The following CSMD1 variants were observed in gnomAD, a reference collection of about 807,000 sequenced individuals.
CSMD1 encodes the protein CUB and Sushi multiple domains 1, also known as CUB and sushi domain-containing protein 1.
A neutral mutation model predicts 417.5 loss-of-function variants in CSMD1; 213 were observed. The observed-to-expected ratio is 0.51, with a 90% CI of 0.46 to 0.57. The LOEUF is 0.57. Among genes scored for constraint, CSMD1 ranks in the 20% least tolerant of loss-of-function variants. CSMD1 has a pLI of 0.00. For synonymous variants in CSMD1, 2,862 were observed against 1,736.8 expected, an observed-to-expected ratio of 1.65 and a Z score of -16.11; for missense variants, 6,923 against 4,529.7, an observed-to-expected ratio of 1.53 and a Z score of -15.17.
chr8:3,981,514 A>C (rs915680196), intron 5 of CSMD1, among the ~76,000 whole-genome samples: 4 of 150,922 alleles, frequency 2.7e-5, no homozygotes, highest in African/African-American at 9.7e-5. Context: ...AAAAAAAAAA[A>C]AAAAAAAAAA....
chr8:3,113,381 G>C (rs961935154), intron 42 of CSMD1: 1 of 152,270 alleles, frequency 6.6e-6, no homozygotes, highest in African/African-American at 2.4e-5. Flanking sequence ...TGTTCACGTG[G>C]GAGAGAGCGT....
chr8:4,188,281 C>T (rs1238871466), intron 3 of CSMD1, among the ~76,000 whole-genome samples: 2 of 152,166 alleles, frequency 1.3e-5, no homozygotes, highest in African/African-American at 2.4e-5. Flanking sequence ...CCCTAGACGT[C>T]GGTCAATGTC....
At chr8:4,282,927 T>G in intron 3 of CSMD1, among the ~76,000 whole-genome samples, 1 of 152,186 alleles carries the variant, frequency 6.6e-6, no homozygotes, top group East Asian at 1.9e-4. Flanking sequence ...GTATAAACAT[T>G]TTAATGTCAA....
At chr8:3,755,036 A>G (rs1357674857) in intron 5 of CSMD1, among the ~76,000 whole-genome samples, 1 of 152,208 alleles carries the variant, frequency 6.6e-6, no homozygotes, top group Non-Finnish European at 1.5e-5. Flanking sequence ...TCACTTTACA[A>G]CGTGCAGTTT....
chr8:4,145,895 A>T (rs1365137827), intron 3 of CSMD1, among the ~76,000 whole-genome samples: 1 of 150,946 alleles, frequency 6.6e-6, no homozygotes, highest in African/African-American at 2.5e-5. Context: ...GTCTTGCTCA[A>T]TGCTCATCCC....
At position 3,574,968 on chromosome 8, in the gene CSMD1, T is replaced by C. The variant is rs759281667; in HGVS notation, c.1321A>G (p.Ile441Val). 2 of 1,612,408 alleles carry C rather than the reference T, an allele frequency of 1.2e-6. No individual in the cohort carries two copies. Among genetic ancestry groups the C allele is most frequent in the African/African-American group, 1.3e-5 (1 of 74,894 alleles). The change falls in exon 10 of 70, where the codon ATC becomes GTC. Residue 441 changes from isoleucine to valine, a missense_variant. Transcript: ENST00000635120. ...ACCTTGTCCGGGTCGGTGGTGGTGA[T>C]GACCCACACACAGTGTGCATTATCT... The part of the protein sequence containing the change: ...YEDNAHCVWV[I>V]TTTDPDKVIK...
intron 2 of CSMD1, among the ~76,000 whole-genome samples, chr8:4,513,182 T>G (rs1300526181): frequency 6.6e-6 from 1 of 152,176 alleles, no homozygotes. Context: ...GTAGGTTCAT[T>G]GATTGTAATA....
At chr8:4,141,323 T>C (rs1019490731) in intron 3 of CSMD1, among the ~76,000 whole-genome samples, 1 of 151,134 alleles carries the variant, frequency 6.6e-6, no homozygotes, top group Non-Finnish European at 1.5e-5. Context: ...TAAGGGGAAA[T>C]GAAGCTACTA....
At chr8:4,077,297 GTATATATATA>G (rs200304943) in intron 3 of CSMD1, among the ~76,000 whole-genome samples, 62 of 121,204 alleles carry the variant, frequency 5.1e-4, no homozygotes, top group Admixed American at 1.9e-3. Context: ...ATATATATGT[GTATATATATA>G]TATATATATA....
At chr8:3,962,190 C>A (rs762158256) in intron 5 of CSMD1, among the ~76,000 whole-genome samples, 1 of 151,128 alleles carries the variant, frequency 6.6e-6, no homozygotes, top group South Asian at 2.1e-4. Context: ...TTTGAATATA[C>A]CACATTCCAG....
chr8:3,201,760 G>C (rs749657169), intron 31 of CSMD1, 35 bp from the exon 32 acceptor site: 8 of 1,311,980 alleles, frequency 6.1e-6, no homozygotes, highest in Non-Finnish European at 8.6e-6. Context: ...GGCACAAGAT[G>C]CTCTAAGAAA....
intron 3 of CSMD1, among the ~76,000 whole-genome samples, chr8:4,163,512 G>C (rs921013290): frequency 2.0e-5 from 3 of 152,068 alleles, no homozygotes; most frequent in Admixed American, 6.6e-5. Flanking sequence ...TACAGACATT[G>C]TTTTGTGAAA....
intron 49 of CSMD1, among the ~76,000 whole-genome samples, chr8:3,054,083 T>C (rs1812053503): frequency 6.6e-6 from 1 of 152,228 alleles, no homozygotes; most frequent in Admixed American, 6.5e-5. Flanking sequence ...GAGCAAATCT[T>C]ATGACTCCCA....
At chr8:4,079,063 T>G (rs186457785) in intron 3 of CSMD1, among the ~76,000 whole-genome samples, 4 of 151,784 alleles carry the variant, frequency 2.6e-5, no homozygotes, top group Non-Finnish European at 4.4e-5. Flanking sequence ...TGGTCCCGAA[T>G]GGAACTTATA....
chr8:4,356,125 G>A (rs374112386), intron 3 of CSMD1, among the ~76,000 whole-genome samples: 13 of 152,052 alleles, frequency 8.5e-5, no homozygotes, highest in East Asian at 7.7e-4. Flanking sequence ...TTCCCCTCAA[G>A]TTCCCAAAGT....
At chr8:4,191,853 G>C (rs1432805672) in intron 3 of CSMD1, among the ~76,000 whole-genome samples, 5 of 151,792 alleles carry the variant, frequency 3.3e-5, no homozygotes, top group African/African-American at 1.2e-4. Flanking sequence ...TCAACAGTCA[G>C]TTTCCAGACC....
rs569707164 is a variant in CSMD1 at position 3,706,706 on chromosome 8, G to A, written c.1009+1708C>T. On this transcript the variant is annotated intron_variant, in intron 7 of 69. Transcript: ENST00000635120. ...ATTGATTTAATGTAAGAGTTTGGCC[G>A]GATATGTGGTTCTACATTGAACTTT... Among the ~76,000 whole-genome samples, 161 of 151,734 alleles carry A rather than the reference G, an allele frequency of 1.1e-3. 1 individual carries two copies. The highest frequency in any genetic ancestry group is 3.5e-3 in the African/African-American group (142 of 41,072).
intron 3 of CSMD1, among the ~76,000 whole-genome samples, chr8:4,409,279 C>A (rs1195183539): frequency 6.6e-6 from 1 of 152,138 alleles, no homozygotes; most frequent in Admixed American, 6.6e-5. Context: ...CCAGTGTTCT[C>A]GGCTTTGTGT....
chr8:4,747,386 C>G (rs13255065), intron 1 of CSMD1, among the ~76,000 whole-genome samples: 47,877 of 151,908 alleles, frequency 0.32, 8,526 homozygotes, highest in Admixed American at 0.45. Context: ...TGGCGAGACA[C>G]ACAACTAACA....
Sources: gnomAD v4.1 joint callset for allele counts (sites outside exome capture counted in the v4.1 genomes callset) on GRCh38, gnomAD v4.1.1 for gene constraint, MANE v1.5 for transcripts, NCBI Gene and HGNC (gene_info 2026-07-23, HGNC 2026-07-21) for gene names.